Variants in MAP3K19 observed in about 807,000 individuals in gnomAD.
The protein encoded by MAP3K19 is SPS1/STE20-related protein kinase YSK4.
A neutral mutation model predicts 114.4 loss-of-function variants in MAP3K19; 91 were observed. That is an observed-to-expected ratio of 0.80 (90% CI 0.67 to 0.95). The LOEUF (loss-of-function observed/expected upper bound fraction) is 0.95. MAP3K19 is among the 40% of genes least tolerant of loss of function. MAP3K19 has a pLI of 0.00. For missense variants in MAP3K19, 1,471 were observed against 1,573.2 expected (o/e 0.94, Z 1.10); for synonymous variants, 518 against 530.5 (o/e 0.98, Z 0.32).
At chr2:135,034,473 T>C (rs1397803479) in intron 2 of MAP3K19, among the ~76,000 whole-genome samples, 1 of 124,996 alleles carries the variant, frequency 8.0e-6, no homozygotes, top group Non-Finnish European at 1.6e-5. Context: ...GAGGTGGAGG[T>C]TGTAGCGAGC....
chr2:135,028,980 T>A (rs974839984), intron 3 of MAP3K19, among the ~76,000 whole-genome samples: 1 of 152,200 alleles, frequency 6.6e-6, no homozygotes, highest in African/African-American at 2.4e-5. Flanking sequence ...CAATAGCATA[T>A]CAATTCAGCA....
chr2:135,037,237 A>T (rs1688550941), intron 2 of MAP3K19, among the ~76,000 whole-genome samples: 2 of 152,222 alleles, frequency 1.3e-5, no homozygotes, highest in Admixed American at 1.3e-4. Context: ...ACCTTAGGTG[A>T]TCCACCTGCC....
At chr2:134,990,596 C>T (rs1685497319) in intron 9 of MAP3K19, among the ~76,000 whole-genome samples, 1 of 151,972 alleles carries the variant, frequency 6.6e-6, no homozygotes, top group Non-Finnish European at 1.5e-5. Flanking sequence ...CCTGCCTCAG[C>T]CTCCCGAGTA....
intron 11 of MAP3K19, 155 bp downstream of exon 11, chr2:134,983,521 T>G: frequency 1.3e-5 from 8 of 604,830 alleles, no homozygotes; most frequent in East Asian, 2.9e-5. Context: ...TTTCCCTCAG[T>G]GGTTGGATTT....
chr2:134,994,817 T>G (rs1049920756), intron 8 of MAP3K19, among the ~76,000 whole-genome samples: 3 of 152,156 alleles, frequency 2.0e-5, no homozygotes, highest in Non-Finnish European at 4.4e-5. Context: ...TAGATACAAA[T>G]TCAACTGATA....
At chr2:134,991,835 A>G (rs953658744) in intron 8 of MAP3K19, among the ~76,000 whole-genome samples, 6 of 152,204 alleles carry the variant, frequency 3.9e-5, no homozygotes, top group Non-Finnish European at 8.8e-5. Flanking sequence ...TGGACCAGAG[A>G]GCAGACCATT....
At position 135,021,708 on chromosome 2, in the gene MAP3K19, C is replaced by T. The variant is rs772068855; in HGVS notation, c.138+7G>A. ...TGTCCGTTGTTTCTTTAAAGGGAGG[C>T]TCTTACCTCACTTCTGCTGATGCTT... On this transcript the variant is annotated splice_region_variant and intron_variant, in intron 5 of 12. Coordinates refer to ENST00000392915, the MANE Select transcript of MAP3K19 (RefSeq NM_025052.5). 2.6e-5 allele frequency: 40 copies of T among 1,553,014 alleles called. No homozygotes were observed. Among genetic ancestry groups the T allele is most frequent in the Non-Finnish European group, 3.5e-5 (40 of 1,128,718 alleles).
At chr2:134,971,559 T>C (rs1353221024) in intron 12 of MAP3K19, among the ~76,000 whole-genome samples, 1 of 152,198 alleles carries the variant, frequency 6.6e-6, no homozygotes, top group Non-Finnish European at 1.5e-5. Context: ...GTCCTGGGCT[T>C]TTCTTTGTTA....
At chr2:134,969,375 G>A (rs1304099213) in intron 12 of MAP3K19, among the ~76,000 whole-genome samples, 1 of 152,146 alleles carries the variant, frequency 6.6e-6, no homozygotes, top group East Asian at 1.9e-4. Flanking sequence ...TGGGGAGAGG[G>A]AGACGAGAGG....
chr2:134,969,157 A>T (rs4481047), intron 12 of MAP3K19, among the ~76,000 whole-genome samples: 343 of 151,858 alleles, frequency 2.3e-3, no homozygotes, highest in African/African-American at 7.1e-3. Context: ...AGACCGGCCC[A>T]GCCAACACAG....
intron 12 of MAP3K19, among the ~76,000 whole-genome samples, chr2:134,980,143 A>G (rs1482430104): frequency 6.6e-6 from 1 of 151,964 alleles, no homozygotes; most frequent in Non-Finnish European, 1.5e-5. Flanking sequence ...CCACAGCCCT[A>G]CTCCTTAACT....
chr2:134,996,445 G>A (rs1182979533), intron 8 of MAP3K19, among the ~76,000 whole-genome samples: 7 of 152,118 alleles, frequency 4.6e-5, no homozygotes, highest in African/African-American at 9.6e-5. Flanking sequence ...TTTGTAATCC[G>A]GCGAAGATGA....
chr2:135,007,301 A>G (rs993962680), intron 5 of MAP3K19, among the ~76,000 whole-genome samples: 1 of 152,152 alleles, frequency 6.6e-6, no homozygotes, highest in East Asian at 1.9e-4. Flanking sequence ...TTTAATTTTT[A>G]TGGGTACATA....
rs1224468740 is a variant in MAP3K19 at position 134,979,284 on chromosome 2, ACT to A, written c.3920+1535_3920+1536del. Among the ~76,000 whole-genome samples the A allele has an allele frequency of 5.3e-5, 8 of 152,246 alleles. No individual in the cohort carries two copies. The East Asian group carries it at 1.5e-3, about 29-fold the overall frequency. ...GTAAACTCCTAATTTTGTGCCCCAC[ACT>A]CTGCTAAGCAATTTACATGCACCAT... is the stretch of plus-strand genomic sequence containing the variant. On this transcript the variant is annotated intron_variant, in intron 12 of 12. Transcript: ENST00000392915.
intron 3 of MAP3K19, among the ~76,000 whole-genome samples, chr2:135,027,904 C>G (rs1688296040): frequency 6.6e-6 from 1 of 152,220 alleles, no homozygotes; most frequent in South Asian, 2.1e-4. Flanking sequence ...GGTTATTTAA[C>G]TTCCCTGACA....
intron 4 of MAP3K19, among the ~76,000 whole-genome samples, chr2:135,022,372 G>A (rs774054594): frequency 4.6e-5 from 7 of 152,134 alleles, no homozygotes; most frequent in Admixed American, 1.3e-4. Flanking sequence ...CCAGAGCTGC[G>A]CAGAGGAAGG....
At chr2:135,023,736 C>A in intron 4 of MAP3K19, 1 of 367,178 alleles carries the variant, frequency 2.7e-6, no homozygotes, top group South Asian at 2.1e-5. Flanking sequence ...AGGACACATT[C>A]CCTAGTTCTT....
intron 6 of MAP3K19, among the ~76,000 whole-genome samples, chr2:135,004,176 T>A (rs1686645914): frequency 6.6e-6 from 1 of 152,198 alleles, no homozygotes; most frequent in Non-Finnish European, 1.5e-5. Flanking sequence ...TGGAGCAGAA[T>A]AAATGAAATA....
At chr2:134,967,537 C>T (rs535208029) in intron 12 of MAP3K19, among the ~76,000 whole-genome samples, 44 of 152,368 alleles carry the variant, frequency 2.9e-4, no homozygotes, top group Non-Finnish European at 5.0e-4. Context: ...GCAATGCTGC[C>T]TTGTTATTCT....
Sources: allele counts gnomAD v4.1 joint callset (sites outside exome capture counted in the v4.1 genomes callset), GRCh38; gene constraint gnomAD v4.1.1; transcripts MANE v1.5; gene names NCBI Gene and HGNC (gene_info 2026-07-23, HGNC 2026-07-21).